GALNT17: variants seen among roughly 807,000 people sequenced by gnomAD.
GALNT17 encodes polypeptide N-acetylgalactosaminyltransferase 17, also known as UDP-GalNAc:polypeptide N-acetylgalactosaminyltransferase-like 3.
GALNT17 carries 29 observed loss-of-function variants against 63.7 expected under a neutral mutation model. That is an observed-to-expected ratio of 0.46 (90% CI 0.34 to 0.62). The LOEUF (loss-of-function observed/expected upper bound fraction) is 0.62, where lower values mean the gene tolerates loss of function less well. Ranked by LOEUF, GALNT17 falls within the 20% of genes least tolerant of loss-of-function variation. GALNT17 has a pLI of 0.01. For missense variants in GALNT17, 603 were observed against 799.6 expected, an observed-to-expected ratio of 0.75 and a Z score of 2.97; for synonymous variants, 305 against 318.3, an observed-to-expected ratio of 0.96 and a Z score of 0.45.
chr7:71,621,463 A>G (rs1038462441), intron 6 of GALNT17, among the ~76,000 whole-genome samples: 1 of 151,846 alleles, frequency 6.6e-6, no homozygotes, highest in African/African-American at 2.4e-5. Flanking sequence ...AGGCGGGTGG[A>G]TGGATGGATG....
At chr7:71,199,467 C>G (rs1311099774) in intron 1 of GALNT17, among the ~76,000 whole-genome samples, 1 of 151,978 alleles carries the variant, frequency 6.6e-6, no homozygotes, top group Non-Finnish European at 1.5e-5. Context: ...TTACCCTTAC[C>G]CTCTCTGTCC....
intron 1 of GALNT17, among the ~76,000 whole-genome samples, chr7:71,282,002 C>A (rs961523661): frequency 9.9e-5 from 15 of 152,176 alleles, no homozygotes; most frequent in Non-Finnish European, 2.2e-4. Flanking sequence ...TGTGTTAACT[C>A]TTTCTTCCTC....
At chr7:71,291,484 T>G (rs1790979102) in intron 1 of GALNT17, among the ~76,000 whole-genome samples, 1 of 152,194 alleles carries the variant, frequency 6.6e-6, no homozygotes, top group South Asian at 2.1e-4. Context: ...CAATATTCAG[T>G]CATTTCATCT....
rs894223310 is a variant in GALNT17 at position 71,229,741 on chromosome 7, C to T, written c.238+96701C>T. On this transcript the variant is annotated intron_variant, in intron 1 of 10. Transcript: ENST00000333538. The stretch of plus-strand genomic sequence containing the variant: ...GTTAAGTCTATGCTACTGGCCAGCC[C>T]TAGTCCCATCTGAGACCTGTGAGAA... Among the ~76,000 whole-genome samples the T allele has an allele frequency of 2.0e-5, 3 of 152,198 alleles. No homozygotes were observed. The South Asian group carries it at 6.2e-4, about 32-fold the overall frequency.
chr7:71,358,394 C>CA (rs1461653945), intron 2 of GALNT17, among the ~76,000 whole-genome samples: 14 of 152,228 alleles, frequency 9.2e-5, no homozygotes, highest in Non-Finnish European at 1.5e-4. Context: ...GATTCTGTCT[C>CA]AAAAAATAAA....
chr7:71,360,265 T>C, intron 2 of GALNT17, among the ~76,000 whole-genome samples: 1 of 152,208 alleles, frequency 6.6e-6, no homozygotes, highest in East Asian at 1.9e-4. Context: ...TGTTCAAAAA[T>C]TCATTCATCC....
intron 5 of GALNT17, among the ~76,000 whole-genome samples, chr7:71,482,392 T>C (rs1583991298): frequency 6.6e-6 from 1 of 152,128 alleles, no homozygotes; most frequent in Non-Finnish European, 1.5e-5. Flanking sequence ...TCATGTGATC[T>C]GCCTGCCTCG....
chr7:71,315,853 G>C (rs1156241452), intron 1 of GALNT17, among the ~76,000 whole-genome samples: 1 of 152,076 alleles, frequency 6.6e-6, no homozygotes, highest in Non-Finnish European at 1.5e-5. Context: ...CAGAGGTGGA[G>C]GATAACTGGG....
At chr7:71,578,791 C>A (rs1023365678) in intron 6 of GALNT17, among the ~76,000 whole-genome samples, 4 of 152,138 alleles carry the variant, frequency 2.6e-5, no homozygotes, top group Non-Finnish European at 4.4e-5. Flanking sequence ...GCAAGGCCTT[C>A]TGCCTGCCCT....
chr7:71,564,317 C>T (rs1463590424), intron 5 of GALNT17, among the ~76,000 whole-genome samples: 1 of 131,716 alleles, frequency 7.6e-6, no homozygotes, highest in Non-Finnish European at 1.6e-5. Flanking sequence ...TGGAGTCTCA[C>T]TCTGTCACCC....
chr7:71,331,490 T>C (rs553614013), intron 1 of GALNT17, among the ~76,000 whole-genome samples: 8 of 152,264 alleles, frequency 5.3e-5, no homozygotes, highest in Non-Finnish European at 8.8e-5. Flanking sequence ...GGAGAATCAT[T>C]TGAGGCCAGG....
chr7:71,375,474 G>A (rs1792704267), intron 2 of GALNT17, among the ~76,000 whole-genome samples: 1 of 152,108 alleles, frequency 6.6e-6, no homozygotes, highest in Non-Finnish European at 1.5e-5. Flanking sequence ...GAGTGCAGTG[G>A]TGCAGTCACA....
intron 1 of GALNT17, among the ~76,000 whole-genome samples, chr7:71,182,481 G>A (rs1156990000): frequency 6.6e-6 from 1 of 152,152 alleles, no homozygotes; most frequent in African/African-American, 2.4e-5. Flanking sequence ...CCGTGTAGGA[G>A]TATTTTTCTC....
intron 1 of GALNT17, among the ~76,000 whole-genome samples, chr7:71,314,362 GC>G (rs1188481197): frequency 6.6e-6 from 1 of 151,954 alleles, no homozygotes; most frequent in Non-Finnish European, 1.5e-5. Context: ...GAACAGTGCA[GC>G]CCCCCAAAAA....
intron 5 of GALNT17, among the ~76,000 whole-genome samples, chr7:71,555,790 C>T (rs905651234): frequency 1.3e-5 from 2 of 152,336 alleles, no homozygotes; most frequent in African/African-American, 4.8e-5. Flanking sequence ...TTGTCACAAC[C>T]GCCATCCTCT....
chr7:71,148,221 G>A (rs1246043970), intron 1 of GALNT17, among the ~76,000 whole-genome samples: 2 of 152,160 alleles, frequency 1.3e-5, no homozygotes, highest in African/African-American at 4.8e-5. Context: ...GTGGTAGCTA[G>A]CACTGTTTTG....
At chr7:71,245,286 G>A (rs866091469) in intron 1 of GALNT17, among the ~76,000 whole-genome samples, 3 of 152,174 alleles carry the variant, frequency 2.0e-5, no homozygotes, top group African/African-American at 4.8e-5. Context: ...TGTGGGGGCC[G>A]TGCTAAGAGA....
At chr7:71,656,022 G>A (rs76115038) in intron 6 of GALNT17, among the ~76,000 whole-genome samples, 13,162 of 151,730 alleles carry the variant, frequency 0.087, 680 homozygotes, top group Middle Eastern at 0.15. Flanking sequence ...AGACAATTTC[G>A]CTGCTTACTC....
intron 5 of GALNT17, among the ~76,000 whole-genome samples, chr7:71,560,953 A>T (rs902962791): frequency 3.9e-5 from 6 of 152,212 alleles, no homozygotes; most frequent in African/African-American, 1.4e-4. Context: ...GTATTAGGAG[A>T]TGGTGTAAAA....
Sources: gnomAD v4.1 joint callset for allele counts (sites outside exome capture counted in the v4.1 genomes callset) on GRCh38, gnomAD v4.1.1 for gene constraint, MANE v1.5 for transcripts, NCBI Gene and HGNC (gene_info 2026-07-23, HGNC 2026-07-21) for gene names.